TUSC3: variants seen among roughly 807,000 people sequenced by gnomAD.
TUSC3 encodes the protein tumor suppressor candidate 3.
A neutral mutation model predicts 44.8 loss-of-function variants in TUSC3; 45 were observed. That is an observed-to-expected ratio of 1.00 (90% CI 0.79 to 1.29). TUSC3 has a LOEUF of 1.29. TUSC3 is among the 50% of genes most tolerant of loss of function. The pLI is 0.00. For synonymous variants in TUSC3, 212 were observed against 152.9 expected, an observed-to-expected ratio of 1.39 and a Z score of -2.85; for missense variants, 519 against 437.9, an observed-to-expected ratio of 1.19 and a Z score of -1.65.
At chr8:15,684,070 T>A (rs1278554057) in intron 6 of TUSC3, among the ~76,000 whole-genome samples, 4 of 151,542 alleles carry the variant, frequency 2.6e-5, no homozygotes, top group African/African-American at 4.9e-5. Context: ...CTCTCCACTT[T>A]AGTATTTCAC....
At chr8:15,774,810 T>C in the TUSC3 span, among the ~76,000 whole-genome samples, 1 of 151,868 alleles carries the variant, frequency 6.6e-6, no homozygotes, top group Admixed American at 6.6e-5. Flanking sequence ...CCCATCAGAA[T>C]GTATTTTTTT....
At chr8:15,825,069 A>G in the TUSC3 span, among the ~76,000 whole-genome samples, 95 of 152,298 alleles carry the variant, frequency 6.2e-4, no homozygotes, top group African/African-American at 2.1e-3. Context: ...ACCATCTCCT[A>G]TGACCATGCT....
chr8:15,522,157 T>G (rs1801307791), intron 2 of TUSC3, among the ~76,000 whole-genome samples: 1 of 152,132 alleles, frequency 6.6e-6, no homozygotes, highest in African/African-American at 2.4e-5. Context: ...TTATACCAGG[T>G]CCAGGTAGCT....
At chr8:15,572,855 T>A (rs901938663) in intron 1 of TUSC3, among the ~76,000 whole-genome samples, 2 of 152,132 alleles carry the variant, frequency 1.3e-5, no homozygotes, top group African/African-American at 4.8e-5. Context: ...AAATTTGCCA[T>A]GTTTTACGGG....
chr8:15,580,479 T>C (rs199646099), intron 1 of TUSC3, among the ~76,000 whole-genome samples: 1 of 55,828 alleles, frequency 1.8e-5, no homozygotes, highest in East Asian at 4.3e-4. Context: ...CCATGTTTAG[T>C]GCTTCCTTCA....
chr8:15,659,377 T>G, intron 3 of TUSC3, 130 bp from the exon 4 acceptor site: 1 of 1,138,738 alleles, frequency 8.8e-7, no homozygotes, highest in Non-Finnish European at 1.2e-6. Flanking sequence ...AACAGAAATT[T>G]ACCTCTGGAA....
intron 1 of TUSC3, among the ~76,000 whole-genome samples, chr8:15,439,431 C>T (rs776608332): frequency 2.0e-5 from 3 of 152,134 alleles, no homozygotes; most frequent in Non-Finnish European, 4.4e-5. Flanking sequence ...GTAGGATGTT[C>T]CTGTAGTTCC....
chr8:15,802,497 C>T, the TUSC3 span, among the ~76,000 whole-genome samples: 2 of 152,134 alleles, frequency 1.3e-5, no homozygotes, highest in East Asian at 1.9e-4. Context: ...TCCCAGCTCA[C>T]TGCAACCTCT....
downstream of TUSC3, among the ~76,000 whole-genome samples, chr8:15,771,048 T>A (rs143294888): frequency 6.6e-6 from 1 of 152,218 alleles, no homozygotes; most frequent in East Asian, 1.9e-4. Flanking sequence ...GAAGAAATCC[T>A]CAGTAAGATT....
At chr8:15,840,434 C>A in the TUSC3 span, among the ~76,000 whole-genome samples, 1 of 151,850 alleles carries the variant, frequency 6.6e-6, no homozygotes, top group African/African-American at 2.4e-5. Flanking sequence ...GGAGCAGAAG[C>A]AAAGAATGAA....
the TUSC3 span, among the ~76,000 whole-genome samples, chr8:15,813,345 T>C: frequency 3.3e-5 from 5 of 150,846 alleles, no homozygotes; most frequent in Non-Finnish European, 7.4e-5. Context: ...CTCTGTACCA[T>C]TAAGAGTATT....
chr8:15,694,577 T>G (rs544380550), intron 6 of TUSC3, among the ~76,000 whole-genome samples: 1 of 152,218 alleles, frequency 6.6e-6, no homozygotes, highest in East Asian at 1.9e-4. Context: ...CCTTCAGTCT[T>G]AGAAGTTGTC....
intron 1 of TUSC3, among the ~76,000 whole-genome samples, chr8:15,418,260 A>G (rs1799685161): frequency 6.6e-6 from 1 of 152,188 alleles, no homozygotes; most frequent in Non-Finnish European, 1.5e-5. Context: ...CTGCCCTGTT[A>G]TAACAATAGG....
chr8:15,504,013 CAAAA>C (rs11330340), intron 2 of TUSC3, among the ~76,000 whole-genome samples: 5 of 113,108 alleles, frequency 4.4e-5, no homozygotes, highest in Admixed American at 9.5e-5. Context: ...GACTCTGTCT[CAAAA>C]AAAAAAAAAA....
intron 1 of TUSC3, among the ~76,000 whole-genome samples, chr8:15,464,749 C>T (rs1193539363): frequency 6.6e-6 from 1 of 152,162 alleles, no homozygotes; most frequent in Non-Finnish European, 1.5e-5. Context: ...TATTTACAGC[C>T]AGTGTCTAAT....
intron 1 of TUSC3, among the ~76,000 whole-genome samples, chr8:15,426,265 A>G (rs898305935): frequency 1.3e-5 from 2 of 152,204 alleles, no homozygotes; most frequent in African/African-American, 4.8e-5. Context: ...AACACCTAAC[A>G]TAAAATCTAC....
At chr8:15,847,933 T>C in the TUSC3 span, among the ~76,000 whole-genome samples, 1 of 152,182 alleles carries the variant, frequency 6.6e-6, no homozygotes, top group Non-Finnish European at 1.5e-5. Flanking sequence ...AATGAAATCA[T>C]TCTTTCTTTC....
In TUSC3 at chr8:15,572,171, A is replaced by C. The variant is rs148689444; in HGVS notation, c.138+31603A>C. On this transcript the variant is annotated intron_variant, in intron 1 of 10. Transcript: ENST00000503731. ...GTAGAAGGATGTTTAGTCTACTCTG[A>C]ACATCCGTTGTTTAGTATACCCGTC... Among the ~76,000 whole-genome samples the C allele has an allele frequency of 6.6e-4, 100 of 152,276 alleles. 1 individual carries two copies. The highest frequency in any genetic ancestry group is 2.3e-3 in the African/African-American group (96 of 41,560).
chr8:15,594,602 G>T (rs1022050373), intron 1 of TUSC3, among the ~76,000 whole-genome samples: 18 of 152,158 alleles, frequency 1.2e-4, no homozygotes, highest in African/African-American at 4.1e-4. Flanking sequence ...GCAACATTCA[G>T]TGTAGGGATA....
Sources: allele counts gnomAD v4.1 joint callset (sites outside exome capture counted in the v4.1 genomes callset), GRCh38; gene constraint gnomAD v4.1.1; transcripts MANE v1.5; gene names NCBI Gene and HGNC (gene_info 2026-07-23, HGNC 2026-07-21).